The following ITPR2 variants were observed in gnomAD, a reference collection of about 807,000 sequenced individuals.
ITPR2 encodes inositol 1,4,5-trisphosphate receptor type 2, also known as inositol 1,4,5-trisphosphate-gated calcium channel ITPR2.
ITPR2 carries 207 observed loss-of-function variants against 317.1 expected under a neutral mutation model. The ratio of observed to expected loss-of-function variants is 0.65; its 90% CI spans 0.58 to 0.73. The LOEUF (loss-of-function observed/expected upper bound fraction) is 0.73. Among genes scored for constraint, ITPR2 ranks in the 30% least tolerant of loss-of-function variants. ITPR2 has a pLI of 0.00. For synonymous variants in ITPR2, 1,156 were observed against 1,149.1 expected (o/e 1.01, Z -0.12); for missense variants, 2,613 against 3,284.0 (o/e 0.80, Z 4.99).
chr12:26,741,156 C>A lies in ITPR2; in HGVS notation c.164-15391G>T, dbSNP rs74731060. Among the ~76,000 whole-genome samples the A allele has an allele frequency of 5.9e-5, 9 of 152,338 alleles. No homozygotes were observed. The East Asian group carries it at 1.7e-3, about 29-fold the overall frequency. Reference sequence around the variant, plus strand: ...ACTCAGGCTGAGGAGAGGAGGCTCCCATTGAGGGGGAGAGCTTGGGGTGAG... The same window carrying A: ...ACTCAGGCTGAGGAGAGGAGGCTCCAATTGAGGGGGAGAGCTTGGGGTGAG... On this transcript the variant is annotated intron_variant, in intron 2 of 56. Transcript: ENST00000381340.
rs148628146 is a variant in ITPR2 at position 26,577,597 on chromosome 12, C to T, written c.4630+1116G>A. On this transcript the variant is annotated intron_variant, in intron 34 of 56. Transcript: ENST00000381340. ...TACAGAAAGTCTGTTAAGTATAATA[C>T]TCATTTATAATTAATTACTTAAGTC... 1.4e-4 allele frequency among the ~76,000 whole-genome samples: 22 copies of T among 152,160 alleles called. No homozygotes were observed. In the East Asian group the frequency reaches 4.2e-3, roughly 29 times the overall value.
At chr12:26,362,777 C>A (rs1938877759) in intron 55 of ITPR2, among the ~76,000 whole-genome samples, 1 of 152,188 alleles carries the variant, frequency 6.6e-6, no homozygotes. Flanking sequence ...CAGGTATTTT[C>A]TCTCCTATCC....
chr12:26,728,392 T>G (rs1417775029), intron 2 of ITPR2, among the ~76,000 whole-genome samples: 1 of 152,192 alleles, frequency 6.6e-6, no homozygotes, highest in African/African-American at 2.4e-5. Context: ...GTCTTGGGTT[T>G]CAAAAGCCCT....
chr12:26,525,345 T>C lies in ITPR2; in HGVS notation c.5073+24902A>G, dbSNP rs145535418. On this transcript the variant is annotated intron_variant, in intron 37 of 56. Transcript: ENST00000381340. ...TGGGATTTATGACAGACATATAAAG[T>C]ATATCCTTGTTAAGTAAACAGACTT... Among the ~76,000 whole-genome samples, 6 of 152,334 alleles carry C rather than the reference T, an allele frequency of 3.9e-5. No homozygotes were observed. In the East Asian group the frequency reaches 1.2e-3, roughly 29 times the overall value.
chr12:26,707,365 C>A (rs1393012806), intron 9 of ITPR2, among the ~76,000 whole-genome samples: 1 of 152,042 alleles, frequency 6.6e-6, no homozygotes, highest in Non-Finnish European at 1.5e-5. Context: ...AAAGAGAAAA[C>A]TGAACAAGTA....
chr12:26,477,651 G>A (rs76400869), intron 43 of ITPR2, among the ~76,000 whole-genome samples: 5,723 of 152,100 alleles, frequency 0.038, 114 homozygotes, highest in Middle Eastern at 0.11. Context: ...AATGAAAATA[G>A]CTTATGTTGT....
intron 2 of ITPR2, among the ~76,000 whole-genome samples, chr12:26,744,072 G>A (rs141184560): frequency 6.6e-5 from 10 of 152,200 alleles, no homozygotes; most frequent in South Asian, 4.1e-4. Flanking sequence ...GCCCATGCCC[G>A]ACTGTGGATT....
intron 55 of ITPR2, among the ~76,000 whole-genome samples, chr12:26,378,560 G>A (rs1328440407): frequency 6.6e-6 from 1 of 152,142 alleles, no homozygotes; most frequent in African/African-American, 2.4e-5. Flanking sequence ...TTTGACTTAA[G>A]GTTTCTCTGG....
chr12:26,407,823 ATCT>A (rs1940403348), intron 52 of ITPR2, among the ~76,000 whole-genome samples: 1 of 152,204 alleles, frequency 6.6e-6, no homozygotes, highest in African/African-American at 2.4e-5. Flanking sequence ...AGTAGTATCT[ATCT>A]ATCTCACAGG....
chr12:26,606,342 T>G (rs928717616), intron 26 of ITPR2, among the ~76,000 whole-genome samples: 1 of 152,182 alleles, frequency 6.6e-6, no homozygotes, highest in African/African-American at 2.4e-5. Context: ...AGAACCTAAA[T>G]TTATTCCCCC....
chr12:26,734,996 CTT>C lies in ITPR2; in HGVS notation c.164-9233_164-9232del, dbSNP rs5797195. ...TAATTGTGTAATTGTGCAAGCCAGT[CTT>C]TTTTTTTTTTTTTTTTTTTGAGATG... On this transcript the variant is annotated intron_variant, in intron 2 of 56. Transcript: ENST00000381340. Among the ~76,000 whole-genome samples, 199 of 109,002 alleles carry C rather than the reference CTT, an allele frequency of 1.8e-3. 1 individual carries two copies. Among genetic ancestry groups the C allele is most frequent in the Middle Eastern group, 4.9e-3 (1 of 206 alleles). The allele number at this position is 109,002 out of a possible 152,430, so 71.5% of individuals were successfully genotyped here.
intron 52 of ITPR2, among the ~76,000 whole-genome samples, chr12:26,401,867 A>G (rs1303048816): frequency 1.3e-5 from 2 of 152,252 alleles, no homozygotes; most frequent in Admixed American, 6.5e-5. Context: ...CTTTTAAAAC[A>G]TGCTGGGATA....
intron 1 of ITPR2, among the ~76,000 whole-genome samples, chr12:26,812,264 A>C (rs1950765321): frequency 6.6e-6 from 1 of 152,166 alleles, no homozygotes; most frequent in South Asian, 2.1e-4. Flanking sequence ...AGGTAACCTT[A>C]TGATTTTACC....
chr12:26,650,427 C>T (rs1947221558), intron 21 of ITPR2, among the ~76,000 whole-genome samples: 1 of 152,094 alleles, frequency 6.6e-6, no homozygotes, highest in Non-Finnish European at 1.5e-5. Context: ...GAGTGAACCC[C>T]AATGTCAACG....
rs1426286465 is a variant in ITPR2, at chr12:26,686,581, T to A, written c.1048A>T (p.Ile350Phe). Reference sequence around the variant, plus strand: ...GGGACTGAAACCAAAGTATACATGATCTTCTCCCCTGCCTGGCGTTTTTTC... The same window carrying A: ...GGGACTGAAACCAAAGTATACATGAACTTCTCCCCTGCCTGGCGTTTTTTC... ...SKKKRQAGEK[I>F]MYTLVSVPHG... Residue 350 changes from isoleucine (I) to phenylalanine (F), a missense_variant, in exon 11 of 57, where the codon ATC becomes TTC. Ile to Phe is a conservative substitution (Grantham distance 21). Around this residue, in one of 9 missense-constraint regions of ITPR2, gnomAD observed 515 missense variants for 789.4 expected, o/e 0.65. Coordinates refer to ENST00000381340, the MANE Select transcript of ITPR2 (RefSeq NM_002223.4). 11 of 1,612,108 alleles carry A rather than the reference T, an allele frequency of 6.8e-6. No individual in the cohort carries two copies. The highest frequency in any genetic ancestry group is 9.3e-6 in the Non-Finnish European group (11 of 1,178,924).
chr12:26,754,823 T>C (rs1297682699), intron 2 of ITPR2, among the ~76,000 whole-genome samples: 1 of 152,244 alleles, frequency 6.6e-6, no homozygotes, highest in Non-Finnish European at 1.5e-5. Context: ...AACCTGCTTA[T>C]GATCTGCTCT....
intron 9 of ITPR2, among the ~76,000 whole-genome samples, chr12:26,702,023 T>A (rs10743592): frequency 0.46 from 70,363 of 152,032 alleles, 16,644 homozygotes; most frequent in African/African-American, 0.53. Flanking sequence ...TCTTCCCACA[T>A]CTGTGGAAGA....
intron 55 of ITPR2, among the ~76,000 whole-genome samples, chr12:26,385,064 A>T (rs7309023): frequency 0.042 from 6,447 of 152,268 alleles, 452 homozygotes; most frequent in African/African-American, 0.15. Context: ...CACTGAGTGC[A>T]CAACCCTCCT....
intron 55 of ITPR2, among the ~76,000 whole-genome samples, chr12:26,359,435 C>G (rs1461741321): frequency 1.3e-5 from 2 of 152,130 alleles, no homozygotes. Flanking sequence ...GGAGGCAGGG[C>G]AATCTCAGTC....
Sources: gnomAD v4.1 joint callset for allele counts (sites outside exome capture counted in the v4.1 genomes callset) on GRCh38, gnomAD v4.1.1 for gene constraint, gnomAD v4.1.1 regional missense constraint, MANE v1.5 for transcripts, NCBI Gene and HGNC (gene_info 2026-07-23, HGNC 2026-07-21) for gene names.